The following CLASP1 variants were observed in gnomAD, a reference collection of about 807,000 sequenced individuals.
The protein encoded by CLASP1 is CLIP-associating protein 1.
Under a neutral mutation model 192.3 loss-of-function variants are expected in CLASP1, and 38 were observed. The ratio of observed to expected loss-of-function variants is 0.20; its 90% CI spans 0.15 to 0.26. CLASP1 has a LOEUF of 0.26. Ranked by LOEUF, CLASP1 falls within the 10% of genes least tolerant of loss-of-function variation. The probability of loss-of-function intolerance (pLI) is 1.00; values close to 1 mark genes in which losing one functional copy is unlikely to be tolerated. For synonymous variants in CLASP1, 691 were observed against 712.8 expected (o/e 0.97, Z 0.49); for missense variants, 1,433 against 1,932.5 (o/e 0.74, Z 4.85).
At chr2:121,373,987 A>G (rs72967316) in intron 34 of CLASP1, among the ~76,000 whole-genome samples, 6,378 of 152,356 alleles carry the variant, frequency 0.042, 167 homozygotes, top group East Asian at 0.14. Context: ...ATTTGCACAA[A>G]TAATTAAAAG....
chr2:121,391,612 G>C (rs764093457), intron 30 of CLASP1, among the ~76,000 whole-genome samples: 1 of 152,170 alleles, frequency 6.6e-6, no homozygotes, highest in Non-Finnish European at 1.5e-5. Context: ...AATAAGACTT[G>C]AAAGAGTCCG....
At chr2:121,515,330 A>C (rs1354901851) in intron 7 of CLASP1, among the ~76,000 whole-genome samples, 1 of 152,218 alleles carries the variant, frequency 6.6e-6, no homozygotes, top group Non-Finnish European at 1.5e-5. Context: ...TACTATACTA[A>C]GTGCTGTCTG....
chr2:121,535,863 T>C (rs971550320), intron 2 of CLASP1, among the ~76,000 whole-genome samples: 14 of 151,932 alleles, frequency 9.2e-5, no homozygotes. Context: ...GGTTTTGCCA[T>C]GTTGCCCAGG....
At chr2:121,569,618 C>T (rs914381978) in intron 2 of CLASP1, among the ~76,000 whole-genome samples, 26 of 152,188 alleles carry the variant, frequency 1.7e-4, no homozygotes, top group African/African-American at 6.0e-4. Flanking sequence ...TTTGGGAGGC[C>T]AAGGAGGGCA....
At position 121,593,122 on chromosome 2, in the gene CLASP1, T is replaced by C. The variant is rs539279867; in HGVS notation, c.195+12579A>G. On this transcript the variant is annotated intron_variant, in intron 2 of 39. Coordinates refer to ENST00000263710, the Ensembl canonical transcript of CLASP1. Reference sequence around the variant, plus strand: ...CCTGGCAAACACCTCTTTAACCACGTAGGAGGAAGAGATATCGTGTGCCTC... The same window carrying C: ...CCTGGCAAACACCTCTTTAACCACGCAGGAGGAAGAGATATCGTGTGCCTC... Among the ~76,000 whole-genome samples the C allele has an allele frequency of 3.9e-3, 594 of 152,184 alleles. 5 individuals carry two copies. Among genetic ancestry groups the C allele is most frequent in the Non-Finnish European group, 5.9e-3 (402 of 67,990 alleles).
chr2:121,453,069 C>T (rs2085856246), intron 14 of CLASP1, among the ~76,000 whole-genome samples: 1 of 152,168 alleles, frequency 6.6e-6, no homozygotes, highest in South Asian at 2.1e-4. Context: ...GGAGGATCAC[C>T]TGAAGCCAGG....
Position 121,387,745 on chromosome 2 carries a change from C to A in CLASP1, c.3267+18G>T, listed in dbSNP as rs754632994. On this transcript the variant is annotated intron_variant, in intron 31 of 39. Transcript: ENST00000263710. Reference sequence around the variant, plus strand: ...TCATGGACATCACATAGGCACCAATCGTGACCAAAGCACTCACCACACTGG... The same window carrying A: ...TCATGGACATCACATAGGCACCAATAGTGACCAAAGCACTCACCACACTGG... The A allele has an allele frequency of 6.8e-6, 11 of 1,613,620 alleles. No homozygotes were observed. The highest frequency in any genetic ancestry group is 6.7e-5 in the East Asian group (3 of 44,868).
chr2:121,406,891 T>C (rs933291291), intron 25 of CLASP1, among the ~76,000 whole-genome samples: 1 of 151,800 alleles, frequency 6.6e-6, no homozygotes, highest in Admixed American at 6.6e-5. Flanking sequence ...GTGTCCACCC[T>C]ACATCTTTTA....
intron 30 of CLASP1, among the ~76,000 whole-genome samples, chr2:121,391,400 G>A (rs1280585766): frequency 6.6e-6 from 1 of 152,176 alleles, no homozygotes; most frequent in Non-Finnish European, 1.5e-5. Flanking sequence ...AGCAGAAAGT[G>A]CCTAAACATG....
intron 2 of CLASP1, among the ~76,000 whole-genome samples, chr2:121,563,460 A>C (rs1057086923): frequency 4.6e-5 from 7 of 152,218 alleles, no homozygotes; most frequent in Admixed American, 1.3e-4. Flanking sequence ...CATGCTTTCA[A>C]ACATACCATG....
chr2:121,427,374 CA>C, intron 21 of CLASP1, 29 bp downstream of exon 21: 2 of 1,608,178 alleles, frequency 1.2e-6, no homozygotes, highest in South Asian at 2.2e-5. Flanking sequence ...ACAACAACAA[CA>C]AAAAAAGGCA....
rs1208837567 is a variant in CLASP1 at position 121,407,688 on chromosome 2, G to C, written c.2452C>G (p.Pro818Ala). The change falls in exon 25 of 40, where the codon CCG (proline) becomes GCG (alanine). Residue 818 changes from proline (P) to alanine (A), a missense_variant. This residue lies in a region of CLASP1 where 445 missense variants were observed against 535.5 expected (regional missense o/e 0.83). Coordinates refer to ENST00000263710, the Ensembl canonical transcript of CLASP1. ...TCATCGTCAGAATACATCCCATACG[G>C]CTCATATCTCCTCCTCACAGGCTTC... 1 of 1,613,934 alleles carries C rather than the reference G, an allele frequency of 6.2e-7. No individual in the cohort carries two copies. Among genetic ancestry groups the C allele is most frequent in the Non-Finnish European group, 8.5e-7 (1 of 1,179,852 alleles).
intron 6 of CLASP1, among the ~76,000 whole-genome samples, chr2:121,519,173 A>G (rs1379046574): frequency 6.6e-6 from 1 of 152,236 alleles, no homozygotes; most frequent in African/African-American, 2.4e-5. Flanking sequence ...ACCTTAGACA[A>G]AACACTAGAA....
chr2:121,492,214 C>T (rs1335871960), intron 8 of CLASP1, among the ~76,000 whole-genome samples: 1 of 151,740 alleles, frequency 6.6e-6, no homozygotes, highest in African/African-American at 2.4e-5. Context: ...ACGGTGAAAT[C>T]CCATCTCTAC....
chr2:121,492,213 T>C (rs113150683), intron 8 of CLASP1, among the ~76,000 whole-genome samples: 6,161 of 151,392 alleles, frequency 0.041, 161 homozygotes, highest in East Asian at 0.14. Context: ...TACGGTGAAA[T>C]CCCATCTCTA....
intron 1 of CLASP1, among the ~76,000 whole-genome samples, chr2:121,631,537 C>T (rs1396880592): frequency 2.0e-5 from 3 of 151,980 alleles, no homozygotes; most frequent in African/African-American, 4.8e-5. Flanking sequence ...CTGCCCACCT[C>T]GACCTCCCAA....
At chr2:121,611,670 G>A (rs1345400165) in intron 1 of CLASP1, among the ~76,000 whole-genome samples, 2 of 141,574 alleles carry the variant, frequency 1.4e-5, no homozygotes, top group African/African-American at 5.5e-5. Flanking sequence ...AGGAGGAAGA[G>A]GAACTGGAGG....
chr2:121,584,161 C>T (rs1440251249), intron 2 of CLASP1, among the ~76,000 whole-genome samples: 1 of 152,102 alleles, frequency 6.6e-6, no homozygotes, highest in African/African-American at 2.4e-5. Flanking sequence ...GTTGCCCAGA[C>T]TGGTCTCAAA....
chr2:121,524,843 G>A (rs1384736688), intron 6 of CLASP1, among the ~76,000 whole-genome samples: 1 of 152,192 alleles, frequency 6.6e-6, no homozygotes, highest in Non-Finnish European at 1.5e-5. Flanking sequence ...AGGCAGTGAG[G>A]AGGGGAGAGG....
Sources: gnomAD v4.1 joint callset for allele counts (sites outside exome capture counted in the v4.1 genomes callset) on GRCh38, gnomAD v4.1.1 for gene constraint, gnomAD v4.1.1 regional missense constraint, MANE v1.5 for transcripts, NCBI Gene and HGNC (gene_info 2026-07-23, HGNC 2026-07-21) for gene names.